The following SPACA1 variants were observed in gnomAD, a reference collection of about 807,000 sequenced individuals.
SPACA1 encodes sperm acrosome associated 1.
Under a neutral mutation model 32.6 loss-of-function variants are expected in SPACA1, and 17 were observed. That is an observed-to-expected ratio of 0.52 (90% CI 0.36 to 0.78). The LOEUF is 0.78. Among genes scored for constraint, SPACA1 ranks in the 30% least tolerant of loss-of-function variants. The probability of loss-of-function intolerance (pLI) is 0.01; values close to 1 mark genes in which losing one functional copy is unlikely to be tolerated. For synonymous variants in SPACA1, 140 were observed against 138.1 expected, an observed-to-expected ratio of 1.01 and a Z score of -0.10; for missense variants, 363 against 373.4, an observed-to-expected ratio of 0.97 and a Z score of 0.23.
chr6:88,050,094 C>G (rs1446591806), intron 1 of SPACA1, among the ~76,000 whole-genome samples: 1 of 152,146 alleles, frequency 6.6e-6, no homozygotes, highest in Non-Finnish European at 1.5e-5. Context: ...CTTTCAGTCA[C>G]CTTTATATAC....
At chr6:88,047,713 G>T (rs1775659796), upstream of SPACA1, 4 of 602,118 alleles carry the variant, frequency 6.6e-6, no homozygotes, top group African/African-American at 3.8e-5. Flanking sequence ...TGCACGCCTC[G>T]CAGCCTAGCT....
At chr6:88,062,566 T>C (rs960426454) in intron 5 of SPACA1, among the ~76,000 whole-genome samples, 2 of 152,234 alleles carry the variant, frequency 1.3e-5, no homozygotes, top group Admixed American at 1.3e-4. Flanking sequence ...GTAGCAATAC[T>C]GTAATACATA....
intron 4 of SPACA1, among the ~76,000 whole-genome samples, chr6:88,059,127 C>T (rs1775853242): frequency 6.6e-6 from 1 of 152,174 alleles, no homozygotes; most frequent in Non-Finnish European, 1.5e-5. Context: ...CAGTGGCTAA[C>T]ATTAATTAAG....
Position 88,064,215 on chromosome 6 carries a change from A to G in SPACA1, c.727A>G (p.Asn243Asp). The G allele has an allele frequency of 6.2e-7, 1 of 1,609,740 alleles. No individual in the cohort carries two copies. The highest frequency in any genetic ancestry group is 8.5e-7 in the Non-Finnish European group (1 of 1,178,142). ...TTTCTTATTGATCTTCATAATCATA[A>G]ATTGGTAGGTGAATAGTGGAATGCA... is the stretch of plus-strand genomic sequence containing the variant. ...IIFLLIFIII[N>D]WAAVKAFWGA... Residue 243 changes from asparagine to aspartate, a missense_variant, in exon 6 of 7, where the codon AAT becomes GAT. Coordinates refer to ENST00000237201, the MANE Select transcript of SPACA1 (RefSeq NM_030960.3).
rs1775673976 is a variant in SPACA1 at position 88,048,207 on chromosome 6, A to T, written c.208+94A>T. ...CCTGAGAACCATAATTATGTGTGTTAACGTCAGGAGAGCTCTCTCTCATAC... is the reference window on the plus strand; with the variant it reads ...CCTGAGAACCATAATTATGTGTGTTTACGTCAGGAGAGCTCTCTCTCATAC... On this transcript the variant is annotated intron_variant, in intron 1 of 6. Coordinates refer to ENST00000237201, the MANE Select transcript of SPACA1 (RefSeq NM_030960.3). 7.0e-6 allele frequency: 9 copies of T among 1,290,002 alleles called. No individual in the cohort carries two copies. In the South Asian group the frequency reaches 1.0e-4, roughly 14 times the overall value. 79.9% of individuals were successfully genotyped at this position (1,290,002 alleles called of 1,614,324 possible).
At position 88,066,246 on chromosome 6, in the gene SPACA1, T is replaced by G; in HGVS notation, c.796T>G (p.Ser266Ala). The change falls in exon 7 of 7, where the codon TCT becomes GCT. Residue 266 changes from serine (S) to alanine (A), a missense_variant. Transcript: ENST00000237201. Reference sequence around the variant, plus strand: ...ACCTGAGGTACAATCCGAGCAGAGTTCTGTGAGATACAAAGATTCAACTTC... The same window carrying G: ...ACCTGAGGTACAATCCGAGCAGAGTGCTGTGAGATACAAAGATTCAACTTC... The part of the protein sequence containing the change: ...STPEVQSEQS[S>A]VRYKDSTSLD... 2 of 1,612,846 alleles carry G rather than the reference T, an allele frequency of 1.2e-6. No homozygotes were observed.
At chr6:88,061,070 C>G (rs998969260) in intron 5 of SPACA1, among the ~76,000 whole-genome samples, 7 of 152,200 alleles carry the variant, frequency 4.6e-5, no homozygotes, top group African/African-American at 1.7e-4. Context: ...ACCACTGCAA[C>G]AGACCCCTTT....
At chr6:88,055,786 T>C (rs1319053611) in intron 2 of SPACA1, among the ~76,000 whole-genome samples, 2 of 151,986 alleles carry the variant, frequency 1.3e-5, no homozygotes, top group Non-Finnish European at 2.9e-5. Flanking sequence ...CTGGCCAACA[T>C]GGTGAAACCC....
In SPACA1 at chr6:88,064,187, A is replaced by C. The variant is rs752316878; in HGVS notation, c.699A>C (p.Ile233=). The stretch of plus-strand genomic sequence containing the variant: ...TAGGAGTCATTATCTGTGTATTTAT[A>C]ATTTTCTTATTGATCTTCATAATCA... The part of the protein sequence containing the change: ...LTIGVIICVF[I]IFLLIFIIIN... Residue 233 remains isoleucine, a synonymous_variant, in exon 6 of 7, where the codon ATA becomes ATC. Transcript: ENST00000237201. 6.1e-5 allele frequency: 99 copies of C among 1,612,448 alleles called. No individual in the cohort carries two copies. The highest frequency in any genetic ancestry group is 8.1e-5 in the Non-Finnish European group (96 of 1,179,260).
At chr6:88,063,991 C>T in intron 5 of SPACA1, 108 bp from the exon 6 acceptor site, 1 of 1,249,142 alleles carries the variant, frequency 8.0e-7, no homozygotes, top group South Asian at 1.7e-5. Context: ...CTGCACTAAG[C>T]ATTTCTTTAT....
In SPACA1 at chr6:88,064,272, C is replaced by A; in HGVS notation, c.731+53C>A. ...CCCTTGATTGACATCCTCTTCTTCC[C>A]CCTCCTCATCCAGTGAATTGCAAAG... On this transcript the variant is annotated intron_variant, in intron 6 of 6. Coordinates refer to ENST00000237201, the MANE Select transcript of SPACA1 (RefSeq NM_030960.3). 2.6e-6 allele frequency: 4 copies of A among 1,554,242 alleles called. No homozygotes were observed. In the South Asian group the frequency reaches 4.8e-5, roughly 19 times the overall value.
In SPACA1 at chr6:88,048,049, G is replaced by A. The variant is rs760925142; in HGVS notation, c.144G>A (p.Glu48=). The change falls in exon 1 of 7, where the codon GAG becomes GAA. Residue 48 remains glutamate, a synonymous_variant. Transcript: ENST00000237201. ...DAGLAHEGEG[E]EETENNDSET... ...GCCTGGCCCACGAAGGCGAGGGCGAGGAGGAGACCGAAAACAACGACAGCG... is the reference window on the plus strand; with the variant it reads ...GCCTGGCCCACGAAGGCGAGGGCGAAGAGGAGACCGAAAACAACGACAGCG... 3 of 1,604,010 alleles carry A rather than the reference G, an allele frequency of 1.9e-6. No homozygotes were observed. The East Asian group carries it at 6.8e-5, about 36-fold the overall frequency.
chr6:88,059,242 GTAAC>G (rs772300854), intron 4 of SPACA1, among the ~76,000 whole-genome samples: 1 of 152,156 alleles, frequency 6.6e-6, no homozygotes, highest in South Asian at 2.1e-4. Context: ...TTACAAGTAA[GTAAC>G]TAACTTGTCC....
At chr6:88,058,402 C>T (rs143269075) in intron 3 of SPACA1, among the ~76,000 whole-genome samples, 302 of 152,164 alleles carry the variant, frequency 2.0e-3, no homozygotes, top group African/African-American at 6.8e-3. Context: ...TTTGGGAGGC[C>T]GAGGCAGGAG....
intron 1 of SPACA1, among the ~76,000 whole-genome samples, chr6:88,051,041 G>A (rs972310643): frequency 3.3e-5 from 5 of 152,026 alleles, no homozygotes; most frequent in Non-Finnish European, 7.4e-5. Context: ...CAGCTACTCA[G>A]GAGGCTGAGG....
chr6:88,055,103 T>C lies in SPACA1; in HGVS notation c.265+1101T>C, dbSNP rs189133774. ...AGTCATAAAATGAGAGAAATCCATGTAGTAAGCCTGCAATTACTTATTTGT... is the reference window on the plus strand; with the variant it reads ...AGTCATAAAATGAGAGAAATCCATGCAGTAAGCCTGCAATTACTTATTTGT... On this transcript the variant is annotated intron_variant, in intron 2 of 6. Coordinates refer to ENST00000237201, the MANE Select transcript of SPACA1 (RefSeq NM_030960.3). Among the ~76,000 whole-genome samples the C allele has an allele frequency of 3.3e-5, 5 of 152,276 alleles. No homozygotes were observed. The East Asian group carries it at 9.6e-4, about 29-fold the overall frequency.
At chr6:88,049,497 A>G (rs1775697031) in intron 1 of SPACA1, among the ~76,000 whole-genome samples, 1 of 152,198 alleles carries the variant, frequency 6.6e-6, no homozygotes. Context: ...AAAACTTTAA[A>G]CAATCTGAGG....
In SPACA1 at chr6:88,047,958, G is replaced by GAT; in HGVS notation, c.53_54insAT (p.Trp18Ter). Reference protein sequence around the residue: ...CSAGLLMTVGWLLLAGLQSAR... With the variant: ...CSAGLLMTVG ...GCCGGGCTGCTGATGACTGTCGGCT[G>GAT]GCTGCTTCTGGCGGGCCTCCAGTCC... Residue 18 changes from tryptophan (W) to a stop codon, truncating the protein, a stop_gained and frameshift_variant, in exon 1 of 7, where the codon TGG becomes TGATG. Transcript: ENST00000237201. LOFTEE classifies it high-confidence loss of function. The GAT allele has an allele frequency of 6.4e-7, 1 of 1,570,396 alleles. No homozygotes were observed. Among genetic ancestry groups the GAT allele is most frequent in the Non-Finnish European group, 8.6e-7 (1 of 1,158,850 alleles).
At chr6:88,048,151 C>CT (rs2127796995) in intron 1 of SPACA1, 38 bp downstream of exon 1, 1 of 1,543,630 alleles carries the variant, frequency 6.5e-7, no homozygotes, top group East Asian at 2.3e-5. Flanking sequence ...ACGCGGAGGC[C>CT]CCTGTTGACG....
Sources: gnomAD v4.1 joint callset for allele counts (sites outside exome capture counted in the v4.1 genomes callset) on GRCh38, gnomAD v4.1.1 for gene constraint, MANE v1.5 for transcripts, NCBI Gene and HGNC (gene_info 2026-07-23, HGNC 2026-07-21) for gene names.